AP1M2: variants seen among roughly 807,000 people sequenced by gnomAD.
AP1M2 encodes the protein AP-1 complex subunit mu-2.
A neutral mutation model predicts 54.6 loss-of-function variants in AP1M2; 41 were observed. The observed-to-expected ratio is 0.75, with a 90% CI of 0.59 to 0.97. The LOEUF (loss-of-function observed/expected upper bound fraction) is 0.97. Ranked by LOEUF, AP1M2 falls within the 50% of genes least tolerant of loss-of-function variation. The pLI, the probability that AP1M2 is intolerant of heterozygous loss-of-function variation, is 0.00. For missense variants in AP1M2, 507 were observed against 561.2 expected, an observed-to-expected ratio of 0.90 and a Z score of 0.98; for synonymous variants, 219 against 215.9, an observed-to-expected ratio of 1.01 and a Z score of -0.13.
At chr19:10,574,270 T>C (rs1917152020) in intron 11 of AP1M2, 147 bp downstream of exon 11, 1 of 614,568 alleles carries the variant, frequency 1.6e-6, no homozygotes, top group Admixed American at 3.5e-5. Context: ...TCCACCCGCC[T>C]TGGCCTCCCA....
At position 10,587,225 on chromosome 19, in the gene AP1M2, C is replaced by T; in HGVS notation, c.7G>A (p.Ala3Thr). 2 of 1,563,914 alleles carry T rather than the reference C, an allele frequency of 1.3e-6. No homozygotes were observed. The highest frequency in any genetic ancestry group is 1.7e-4 in the Middle Eastern group (1 of 6,010). ...ACGTCCAGAATGAAGACAGCCGAGG[C>T]GGACATGGTGGCGGCCGAAGGACTT... Reference protein sequence around the residue: MSASAVFILDVKG... With the variant: MSTSAVFILDVKG... The change falls in exon 1 of 12, where the codon GCC becomes ACC. Residue 3 changes from alanine to threonine, a missense_variant. Physicochemically the swap from Ala to Thr is moderately conservative, Grantham distance 58. Coordinates refer to ENST00000250244, the MANE Select transcript of AP1M2 (RefSeq NM_005498.5).
intron 6 of AP1M2, among the ~76,000 whole-genome samples, chr19:10,580,880 C>T (rs1202078414): frequency 1.3e-5 from 2 of 151,450 alleles, no homozygotes; most frequent in Non-Finnish European, 2.9e-5. Context: ...AGTTGAGCCT[C>T]GGAGGTCAAG....
At position 10,572,862 on chromosome 19, in the gene AP1M2, G is replaced by A. The variant is rs76022886; in HGVS notation, c.*204C>T. 1.9e-6 allele frequency: 1 copy of A among 522,104 alleles called. No individual in the cohort carries two copies. Among genetic ancestry groups the A allele is most frequent in the South Asian group, 2.6e-5 (1 of 37,886 alleles). 32.3% of individuals were successfully genotyped at this position (522,104 alleles called of 1,614,324 possible). ...ATCAGGGGGATGGGGAAAGCTCCAA[G>A]GGCGAGGGAAGCAGAGAGAGTTTCT... On this transcript the variant is annotated 3_prime_UTR_variant, in exon 12 of 12. Transcript: ENST00000250244.
intron 9 of AP1M2, 37 bp from the exon 10 acceptor site, chr19:10,575,066 C>T (rs145384689): frequency 3.8e-5 from 55 of 1,437,136 alleles, no homozygotes; most frequent in African/African-American, 3.8e-4. Context: ...CACGAGGGTC[C>T]GCCTACCCTC....
In AP1M2 at chr19:10,581,345, G is replaced by A; in HGVS notation, c.594C>T (p.Ile198=). The A allele has an allele frequency of 6.2e-7, 1 of 1,613,780 alleles. No homozygotes were observed. Among genetic ancestry groups the A allele is most frequent in the Non-Finnish European group, 8.5e-7 (1 of 1,179,694 alleles). Residue 198 remains isoleucine (I), a synonymous_variant, in exon 6 of 12, where the codon ATC becomes ATT. Transcript: ENST00000250244. ...TTCCTGACAGAAACACCTTGAGCTT[G>A]ATGGTACCGACGATTTCGCTCAGAA... is the stretch of plus-strand genomic sequence containing the variant. The part of the protein sequence containing the change: ...SVLLSEIVGT[I]KLKVFLSGMP...
intron 11 of AP1M2, 52 bp from the exon 12 acceptor site, chr19:10,573,140 C>A: frequency 6.6e-7 from 1 of 1,508,668 alleles, no homozygotes; most frequent in Non-Finnish European, 9.0e-7. Context: ...AGAGGGGGGC[C>A]GGGCACGGTG....
At chr19:10,585,716 C>T (rs1917637638) in intron 1 of AP1M2, among the ~76,000 whole-genome samples, 1 of 151,890 alleles carries the variant, frequency 6.6e-6, no homozygotes, top group South Asian at 2.1e-4. Context: ...TAACCACTTC[C>T]TAAGGTTGTT....
intron 3 of AP1M2, 90 bp downstream of exon 3, chr19:10,583,516 T>G (rs868805500): frequency 5.8e-6 from 6 of 1,037,518 alleles, no homozygotes; most frequent in Non-Finnish European, 7.1e-6. Flanking sequence ...TGGGAAGGCT[T>G]CCTATCAGAA....
chr19:10,577,458 G>T, intron 8 of AP1M2, 102 bp from the exon 9 acceptor site: 1 of 996,124 alleles, frequency 1.0e-6, no homozygotes, highest in Non-Finnish European at 1.3e-6. Context: ...TTTTGAGACG[G>T]AGTCTCACTC....
At chr19:10,585,434 C>T (rs1294781330) in intron 1 of AP1M2, among the ~76,000 whole-genome samples, 2 of 152,180 alleles carry the variant, frequency 1.3e-5, no homozygotes, top group African/African-American at 4.8e-5. Flanking sequence ...CACGGTGGCT[C>T]ACGCCTTTAA....
rs1372652479 is a variant in AP1M2, at chr19:10,584,105, G to C, written c.43-35C>G. 4 of 1,595,598 alleles carry C rather than the reference G, an allele frequency of 2.5e-6. No individual in the cohort carries two copies. The African/African-American group carries it at 4.0e-5, about 16-fold the overall frequency. ...GAAGGAAAGGACCTGGTCACCACCA[G>C]CATCCAAGAACCTACCACGCTGAGG... On this transcript the variant is annotated intron_variant, in intron 1 of 11. Coordinates refer to ENST00000250244, the MANE Select transcript of AP1M2 (RefSeq NM_005498.5).
At position 10,575,019 on chromosome 19, in the gene AP1M2, T is replaced by C; in HGVS notation, c.1058A>G (p.Glu353Gly). The change falls in exon 10 of 12, where the codon GAG becomes GGG. Residue 353 changes from glutamate to glycine, a missense_variant. By Grantham distance (98) the Glu-to-Gly change is moderately conservative (BLOSUM62 -2). Transcript: ENST00000250244. ...GCCAAAGTGGGCTCGCATCAAGTAC[T>C]CCTTGCCCCCCTGAGGGAACATGGG... Reference protein sequence around the residue: ...WSIKSFPGGKEYLMRAHFGLP... With the variant: ...WSIKSFPGGKGYLMRAHFGLP... The C allele has an allele frequency of 6.6e-7, 1 of 1,520,428 alleles. No individual in the cohort carries two copies. The highest frequency in any genetic ancestry group is 8.8e-7 in the Non-Finnish European group (1 of 1,130,404). The allele number at this position is 1,520,428 out of a possible 1,614,324, so 94.2% of individuals were successfully genotyped here. A position where few individuals can be genotyped will look rare whatever the true frequency, so the allele number is the denominator to read the frequency against.
At chr19:10,574,285 G>T in intron 11 of AP1M2, 132 bp downstream of exon 11, 1 of 731,782 alleles carries the variant, frequency 1.4e-6, no homozygotes, top group Non-Finnish European at 2.2e-6. Context: ...CTCCCAAAGT[G>T]CTAGGATTAC....
At chr19:10,579,570 T>C in intron 7 of AP1M2, 146 bp downstream of exon 7, 1 of 877,802 alleles carries the variant, frequency 1.1e-6, no homozygotes, top group Non-Finnish European at 1.7e-6. Context: ...GCCAGGCTGG[T>C]CTCGAACTCC....
At chr19:10,584,600 A>AG (rs1917570272) in intron 1 of AP1M2, among the ~76,000 whole-genome samples, 1 of 151,088 alleles carries the variant, frequency 6.6e-6, no homozygotes, top group African/African-American at 2.4e-5. Context: ...GAGAGAAAGA[A>AG]AGAAAGAAAG....
intron 8 of AP1M2, among the ~76,000 whole-genome samples, chr19:10,578,481 C>T (rs1465108921): frequency 7.1e-6 from 1 of 141,232 alleles, no homozygotes; most frequent in African/African-American, 2.6e-5. Flanking sequence ...GACTCTTTCT[C>T]AAAAAACAAA....
chr19:10,578,273 G>A (rs1028371479), intron 8 of AP1M2, among the ~76,000 whole-genome samples: 2 of 152,096 alleles, frequency 1.3e-5, no homozygotes, highest in East Asian at 1.9e-4. Flanking sequence ...CATATGAAAG[G>A]CTTGTTGAAA....
At chr19:10,581,956 C>T (rs1314907610) in intron 3 of AP1M2, 78 bp from the exon 4 acceptor site, 1 of 1,461,182 alleles carries the variant, frequency 6.8e-7, no homozygotes, top group African/African-American at 1.4e-5. Flanking sequence ...GTAACCCCAG[C>T]ACCTTGGGAG....
rs533727809 is a variant in AP1M2 at position 10,572,677 on chromosome 19, C to T, written c.*389G>A. On this transcript the variant is annotated 3_prime_UTR_variant, in exon 12 of 12. Coordinates refer to ENST00000250244, the MANE Select transcript of AP1M2 (RefSeq NM_005498.5). The stretch of plus-strand genomic sequence containing the variant: ...CAAGCACATAGGCAGCGGCTAGATT[C>T]ATCTTTTTAATGACATCCTAAAATT... The T allele has an allele frequency of 3.3e-4, 70 of 214,664 alleles. No individual in the cohort carries two copies. The highest frequency in any genetic ancestry group is 1.6e-3 in the African/African-American group (69 of 43,706). 13.3% of individuals were successfully genotyped at this position (214,664 alleles called of 1,614,324 possible).
Sources: allele counts gnomAD v4.1 joint callset (sites outside exome capture counted in the v4.1 genomes callset), GRCh38; gene constraint gnomAD v4.1.1; transcripts MANE v1.5; gene names NCBI Gene and HGNC (gene_info 2026-07-23, HGNC 2026-07-21).